Variants in MED12L observed in about 807,000 individuals in gnomAD.
MED12L encodes mediator of RNA polymerase II transcription subunit 12-like protein.
MED12L carries 60 observed loss-of-function variants against 281.3 expected under a neutral mutation model. The ratio of observed to expected loss-of-function variants is 0.21; its 90% CI spans 0.17 to 0.26. MED12L has a LOEUF of 0.26. Among genes scored for constraint, MED12L ranks in the 10% least tolerant of loss-of-function variants. MED12L has a pLI of 1.00. For synonymous variants in MED12L, 974 were observed against 987.2 expected, an observed-to-expected ratio of 0.99 and a Z score of 0.25; for missense variants, 2,146 against 2,680.9, an observed-to-expected ratio of 0.80 and a Z score of 4.41.
At chr3:151,356,467 G>A (rs993441489) in intron 19 of MED12L, among the ~76,000 whole-genome samples, 2 of 152,042 alleles carry the variant, frequency 1.3e-5, no homozygotes, top group African/African-American at 4.8e-5. Flanking sequence ...TCATTTTAGG[G>A]ACATAGTACA....
In MED12L at chr3:151,127,977, G is replaced by T. The variant is rs148202747; in HGVS notation, c.549G>T (p.Pro183=). 6.2e-7 allele frequency: 1 copy of T among 1,611,022 alleles called. No individual in the cohort carries two copies. Among genetic ancestry groups the T allele is most frequent in the East Asian group, 2.2e-5 (1 of 44,868 alleles). ...AKIKKRQAPD[P]NLEWTQISTR... is the part of the protein sequence containing the mutation. ...TTAAGAAACGTCAGGCTCCTGATCC[G>T]AATTTGGGTAAGTGAGAGAATACAA... The change falls in exon 5 of 45, where the codon CCG becomes CCT. Residue 183 remains proline, a synonymous_variant. Transcript: ENST00000687756.
chr3:151,167,308 A>G (rs1255994953), intron 11 of MED12L, among the ~76,000 whole-genome samples: 1 of 152,182 alleles, frequency 6.6e-6, no homozygotes, highest in African/African-American at 2.4e-5. Flanking sequence ...TCTTTTCACA[A>G]TGAAAACTGC....
At chr3:151,131,439 A>G (rs930737624) in intron 5 of MED12L, among the ~76,000 whole-genome samples, 3 of 152,060 alleles carry the variant, frequency 2.0e-5, no homozygotes, top group Non-Finnish European at 2.9e-5. Flanking sequence ...TGTCTCTCCA[A>G]CCCTCCCCAC....
chr3:151,143,529 A>G (rs1560090086), intron 5 of MED12L, among the ~76,000 whole-genome samples: 1 of 152,212 alleles, frequency 6.6e-6, no homozygotes, highest in Non-Finnish European at 1.5e-5. Flanking sequence ...TGATGTAATA[A>G]TTTAAATAAC....
chr3:151,364,428 C>T (rs776379039), intron 21 of MED12L, among the ~76,000 whole-genome samples: 1 of 152,054 alleles, frequency 6.6e-6, no homozygotes, highest in Non-Finnish European at 1.5e-5. Flanking sequence ...GTGTATTATC[C>T]ATATCCCCTT....
At chr3:151,428,824 T>C (rs1187565589) in intron 43 of MED12L, among the ~76,000 whole-genome samples, 1 of 151,750 alleles carries the variant, frequency 6.6e-6, no homozygotes, top group East Asian at 1.9e-4. Context: ...GATATACTTG[T>C]ACTAAATGCA....
At chr3:151,394,449 T>G (rs554494458) in intron 38 of MED12L, among the ~76,000 whole-genome samples, 22 of 152,340 alleles carry the variant, frequency 1.4e-4, no homozygotes, top group African/African-American at 4.3e-4. Flanking sequence ...TAAAGTAGTA[T>G]AATTCACTTC....
At chr3:151,395,714 C>T (rs950868607) in intron 39 of MED12L, among the ~76,000 whole-genome samples, 3 of 152,172 alleles carry the variant, frequency 2.0e-5, no homozygotes, top group Non-Finnish European at 4.4e-5. Flanking sequence ...TCTTAAGATA[C>T]CAGGGTAACT....
At chr3:151,207,046 G>A (rs1362778165) in intron 16 of MED12L, among the ~76,000 whole-genome samples, 1 of 146,798 alleles carries the variant, frequency 6.8e-6, no homozygotes, top group East Asian at 2.0e-4. Context: ...CTAGCCATGT[G>A]ATTTTTTTTT....
At chr3:151,228,837 C>T (rs1017541568) in intron 16 of MED12L, among the ~76,000 whole-genome samples, 1 of 152,156 alleles carries the variant, frequency 6.6e-6, no homozygotes, top group African/African-American at 2.4e-5. Flanking sequence ...TTTTTTCCAG[C>T]CTGTTCTTCT....
At chr3:151,380,362 G>A (rs1036186605) in intron 32 of MED12L, 138 bp downstream of exon 32, 8 of 536,888 alleles carry the variant, frequency 1.5e-5, no homozygotes, top group African/African-American at 4.1e-5. Context: ...TTTGGGAGGC[G>A]GAGGCTGGTG....
chr3:151,113,187 G>C (rs1187437126), intron 2 of MED12L, among the ~76,000 whole-genome samples: 1 of 152,152 alleles, frequency 6.6e-6, no homozygotes, highest in Non-Finnish European at 1.5e-5. Flanking sequence ...TGTGAAATTT[G>C]AGCAAAAAGT....
At position 151,394,738 on chromosome 3, in the gene MED12L, A is replaced by G. The variant is rs187964127; in HGVS notation, c.5691A>G (p.Ser1897=). ...TGTCAAACATGCTACAGCGGCGCTC[A>G]GGCGCCATGATGCAGCCGCCTTCTC... ...QALSNMLQRR[S]GAMMQPPSLH... is the part of the protein sequence containing the mutation. The change falls in exon 39 of 45, where the codon TCA becomes TCG. Residue 1897 remains serine (S), a synonymous_variant. Coordinates refer to ENST00000687756, the MANE Select transcript of MED12L (RefSeq NM_001393769.1). 1.4e-5 allele frequency: 23 copies of G among 1,614,274 alleles called. No individual in the cohort carries two copies. In the Admixed American group the frequency reaches 3.8e-4, roughly 27 times the overall value.
chr3:151,328,427 T>C, intron 16 of MED12L: 1 of 1,613,450 alleles, frequency 6.2e-7, no homozygotes, highest in Non-Finnish European at 8.5e-7. Flanking sequence ...GCATATGTTA[T>C]TTACCATTTG....
chr3:151,369,836 T>G (rs1755965160), intron 26 of MED12L, among the ~76,000 whole-genome samples: 1 of 152,146 alleles, frequency 6.6e-6, no homozygotes, highest in Non-Finnish European at 1.5e-5. Context: ...CCCACAGGGT[T>G]GTTTTGCCTT....
intron 16 of MED12L, among the ~76,000 whole-genome samples, chr3:151,339,024 C>A (rs1751433254): frequency 1.3e-5 from 2 of 152,150 alleles, no homozygotes; most frequent in Non-Finnish European, 1.5e-5. Flanking sequence ...CAAAATATTT[C>A]ATTGCAGCAA....
intron 16 of MED12L, among the ~76,000 whole-genome samples, chr3:151,206,288 A>G (rs1327358388): frequency 6.6e-6 from 1 of 151,690 alleles, no homozygotes; most frequent in Non-Finnish European, 1.5e-5. Flanking sequence ...ACTGAAATGG[A>G]GAATACATGT....
At position 151,116,453 on chromosome 3, in the gene MED12L, T is replaced by G. The variant is rs758422210; in HGVS notation, c.204+11T>G. 7 of 1,575,934 alleles carry G rather than the reference T, an allele frequency of 4.4e-6. No homozygotes were observed. The Admixed American group carries it at 6.7e-5, about 15-fold the overall frequency. On this transcript the variant is annotated intron_variant, in intron 3 of 44. Transcript: ENST00000687756. ...ATTAACCCATCAAAGGTAATGTTAT[T>G]TGTTTGTTTCCTCAAACTCCTGAAA...
At chr3:151,282,425 G>A (rs1742944171) in intron 16 of MED12L, among the ~76,000 whole-genome samples, 1 of 151,728 alleles carries the variant, frequency 6.6e-6, no homozygotes, top group Non-Finnish European at 1.5e-5. Context: ...TGTTTTGTAT[G>A]TGTTGGGGGG....
Sources: gnomAD v4.1 joint callset for allele counts (sites outside exome capture counted in the v4.1 genomes callset) on GRCh38, gnomAD v4.1.1 for gene constraint, MANE v1.5 for transcripts, NCBI Gene and HGNC (gene_info 2026-07-23, HGNC 2026-07-21) for gene names.